The following PCED1B variants were observed in gnomAD, a reference collection of about 807,000 sequenced individuals.
The protein encoded by PCED1B is PC-esterase domain containing 1B.
For missense variants in PCED1B, 573 were observed against 573.9 expected (o/e 1.00, Z 0.02); for synonymous variants, 251 against 246.1 (o/e 1.02, Z -0.19).
chr12:47,236,012 T>TCC lies in PCED1B; in HGVS notation c.952_953dup (p.Gln319HisfsTer119). ...GCGCTTGCCGCTGCTCCCGCTCCTG[T>TCC]CCCCACAGCCTCCTCCTCCCATTCT... On this transcript the variant is annotated frameshift_variant, in exon 4 of 4. Coordinates refer to ENST00000546455, the MANE Select transcript of PCED1B (RefSeq NM_138371.3). LOFTEE classifies it low-confidence loss of function (END_TRUNC). 6.2e-7 allele frequency: 1 copy of TCC among 1,612,720 alleles called. No individual in the cohort carries two copies. The highest frequency in any genetic ancestry group is 8.5e-7 in the Non-Finnish European group (1 of 1,179,654).
At chr12:47,126,819 T>TA (rs1186076724) in intron 2 of PCED1B, among the ~76,000 whole-genome samples, 11 of 152,324 alleles carry the variant, frequency 7.2e-5, no homozygotes, top group Admixed American at 2.6e-4. Flanking sequence ...TTATTCTTTT[T>TA]ACACTCTGTT....
At chr12:47,202,433 G>A (rs756271716) in intron 2 of PCED1B, among the ~76,000 whole-genome samples, 11 of 151,946 alleles carry the variant, frequency 7.2e-5, no homozygotes, top group East Asian at 5.8e-4. Context: ...TTCCTAAGGC[G>A]AAGATAGTTT....
chr12:47,196,332 A>G (rs1942601353), intron 2 of PCED1B, among the ~76,000 whole-genome samples: 1 of 152,220 alleles, frequency 6.6e-6, no homozygotes, highest in African/African-American at 2.4e-5. Context: ...AAGATACTCA[A>G]CCTATTTGTG....
chr12:47,118,042 G>A (rs1939507788), intron 2 of PCED1B, among the ~76,000 whole-genome samples: 2 of 149,454 alleles, frequency 1.3e-5, no homozygotes, highest in African/African-American at 5.1e-5. Flanking sequence ...TTTTTGATGG[G>A]GTTGTTTGAT....
chr12:47,137,190 T>G (rs1940408702), intron 2 of PCED1B, among the ~76,000 whole-genome samples: 1 of 152,232 alleles, frequency 6.6e-6, no homozygotes, highest in South Asian at 2.1e-4. Flanking sequence ...TTTGAAAATT[T>G]CCCATGATAT....
In PCED1B at chr12:47,135,739, G is replaced by A. The variant is rs1027059775; in HGVS notation, c.-526+31544G>A. ...AATAGGGACCAGACGACATGGTCGG[G>A]CACGGAGGTCTCACTGCAGATGTGG... On this transcript the variant is annotated intron_variant, in intron 2 of 3. Transcript: ENST00000546455. The A allele has an allele frequency of 2.3e-5, 12 of 532,750 alleles. No homozygotes were observed. The East Asian group carries it at 5.8e-4, about 26-fold the overall frequency. The allele number at this position is 532,750 out of a possible 1,614,324, so 33.0% of individuals were successfully genotyped here. A position where few individuals can be genotyped will look rare whatever the true frequency, so the allele number is the denominator to read the frequency against.
chr12:47,119,884 T>C (rs1215589797), intron 2 of PCED1B, among the ~76,000 whole-genome samples: 7 of 151,686 alleles, frequency 4.6e-5, no homozygotes, highest in African/African-American at 1.7e-4. Context: ...TGAGAATTGT[T>C]TGAACCCAGG....
At chr12:47,215,967 C>T (rs1019901898) in intron 2 of PCED1B, among the ~76,000 whole-genome samples, 3 of 152,102 alleles carry the variant, frequency 2.0e-5, no homozygotes, top group Non-Finnish European at 2.9e-5. Flanking sequence ...GCAGGAGAAT[C>T]GCTTGAACCT....
intron 2 of PCED1B, among the ~76,000 whole-genome samples, chr12:47,165,408 A>G (rs1208796668): frequency 6.6e-6 from 1 of 152,204 alleles, no homozygotes; most frequent in Non-Finnish European, 1.5e-5. Context: ...AAAAATTTTT[A>G]CATTTTCACT....
intron 2 of PCED1B, among the ~76,000 whole-genome samples, chr12:47,131,131 A>G (rs1442007951): frequency 6.6e-6 from 1 of 152,194 alleles, no homozygotes; most frequent in African/African-American, 2.4e-5. Context: ...TTATTCTATC[A>G]CTTGAGGCAT....
intron 3 of PCED1B, among the ~76,000 whole-genome samples, chr12:47,220,946 C>T (rs1456272845): frequency 6.6e-6 from 1 of 151,974 alleles, no homozygotes; most frequent in African/African-American, 2.4e-5. Flanking sequence ...TTATACAAAC[C>T]CTATGGTTCC....
At chr12:47,164,904 G>A (rs957216498) in intron 2 of PCED1B, among the ~76,000 whole-genome samples, 7 of 152,232 alleles carry the variant, frequency 4.6e-5, no homozygotes, top group African/African-American at 1.7e-4. Context: ...TAGCCAGGAT[G>A]TAGTGAGCAG....
chr12:47,166,296 C>T (rs375841623), intron 2 of PCED1B, among the ~76,000 whole-genome samples: 5 of 152,244 alleles, frequency 3.3e-5, no homozygotes, highest in East Asian at 3.9e-4. Flanking sequence ...TTGGTTGAGC[C>T]GGGCAGTTTC....
In PCED1B at chr12:47,218,539, A is replaced by G. The variant is rs1217386335; in HGVS notation, c.-58+1850A>G. ...TGCTCTGTCATCCAGGCTGGAGCGC[A>G]GTGGTGCCATCACGACTCACTGCAG... On this transcript the variant is annotated intron_variant, in intron 3 of 3. Coordinates refer to ENST00000546455, the MANE Select transcript of PCED1B (RefSeq NM_138371.3). 2.0e-5 allele frequency among the ~76,000 whole-genome samples: 3 copies of G among 152,326 alleles called. No homozygotes were observed. The East Asian group carries it at 5.8e-4, about 29-fold the overall frequency.
At chr12:47,200,358 T>C (rs2137703688) in intron 2 of PCED1B, among the ~76,000 whole-genome samples, 1 of 152,268 alleles carries the variant, frequency 6.6e-6, no homozygotes, top group East Asian at 1.9e-4. Context: ...CAATACCATA[T>C]ATCATTAGGG....
At chr12:47,103,414 T>C (rs753122785) in intron 1 of PCED1B, among the ~76,000 whole-genome samples, 66 of 152,212 alleles carry the variant, frequency 4.3e-4, no homozygotes, top group Non-Finnish European at 2.8e-4. Context: ...GCCTGGAATG[T>C]GGCTCCCATC....
At chr12:47,161,432 A>T (rs1441116238) in intron 2 of PCED1B, among the ~76,000 whole-genome samples, 1 of 152,182 alleles carries the variant, frequency 6.6e-6, no homozygotes, top group Non-Finnish European at 1.5e-5. Flanking sequence ...ATTGGTGGAT[A>T]TGTGTGACTT....
chr12:47,152,357 G>A (rs1565570119), intron 2 of PCED1B, among the ~76,000 whole-genome samples: 1 of 152,136 alleles, frequency 6.6e-6, no homozygotes, highest in Non-Finnish European at 1.5e-5. Context: ...ACTGAGAAGG[G>A]CACAATATTG....
chr12:47,230,557 C>T (rs940547064), intron 3 of PCED1B, among the ~76,000 whole-genome samples: 1 of 152,144 alleles, frequency 6.6e-6, no homozygotes. Flanking sequence ...GATCTCCCGC[C>T]TCAGCCTCCG....
Sources: allele counts gnomAD v4.1 joint callset (sites outside exome capture counted in the v4.1 genomes callset), GRCh38; gene constraint gnomAD v4.1.1; transcripts MANE v1.5; gene names NCBI Gene and HGNC (gene_info 2026-07-23, HGNC 2026-07-21).